Variants in CSMD1 observed in about 807,000 individuals in gnomAD.
CSMD1 encodes the protein CUB and Sushi multiple domains 1, also known as CUB and sushi domain-containing protein 1.
In CSMD1, 213 loss-of-function variants were observed where a neutral mutation model predicts 417.5. That is an observed-to-expected ratio of 0.51 (90% confidence interval 0.46 to 0.57). CSMD1 has a LOEUF of 0.57. Ranked by LOEUF, CSMD1 falls within the 20% of genes least tolerant of loss-of-function variation. The probability of loss-of-function intolerance (pLI) is 0.00; values close to 1 mark genes in which losing one functional copy is unlikely to be tolerated. For synonymous variants in CSMD1, 2,862 were observed against 1,736.8 expected, an observed-to-expected ratio of 1.65 and a Z score of -16.11; for missense variants, 6,923 against 4,529.7, an observed-to-expected ratio of 1.53 and a Z score of -15.17.
chr8:3,199,807 C>G lies in CSMD1; in HGVS notation c.5101G>C (p.Glu1701Gln), dbSNP rs1292656068. The G allele has an allele frequency of 6.4e-7, 1 of 1,563,704 alleles. No homozygotes were observed. Among genetic ancestry groups the G allele is most frequent in the East Asian group, 2.4e-5 (1 of 42,388 alleles). ...TTTGACGTAGCCAAGGGCAATGTTT[C>G]CCCTAGAAACGAAAACAGAGACAGA... ...LSSLSGSHSGETLPLATSNQI... is the reference protein window; with the variant it reads ...LSSLSGSHSGQTLPLATSNQI... Residue 1701 changes from glutamate (E) to glutamine (Q), a missense_variant and splice_region_variant, in exon 33 of 70, where the codon GAA becomes CAA. Physicochemically the swap from Glu to Gln is conservative, Grantham distance 29. Coordinates refer to ENST00000635120, the MANE Select transcript of CSMD1 (RefSeq NM_033225.6).
chr8:3,583,594 G>A (rs1336614839), intron 9 of CSMD1, among the ~76,000 whole-genome samples: 1 of 152,028 alleles, frequency 6.6e-6, no homozygotes, highest in Admixed American at 6.6e-5. Context: ...TCTTCTTGCT[G>A]CTGATACTAA....
At chr8:4,884,323 G>A (rs1457036260) in intron 1 of CSMD1, among the ~76,000 whole-genome samples, 1 of 151,884 alleles carries the variant, frequency 6.6e-6, no homozygotes, top group Non-Finnish European at 1.5e-5. Context: ...CATTCTGTGG[G>A]TTATCTTTGT....
intron 2 of CSMD1, among the ~76,000 whole-genome samples, chr8:4,436,065 A>G (rs186608866): frequency 2.2e-3 from 330 of 152,322 alleles, no homozygotes; most frequent in African/African-American, 7.6e-3. Flanking sequence ...CAGATCTTAT[A>G]ATTCCAAGTT....
intron 31 of CSMD1, 79 bp downstream of exon 31, chr8:3,205,425 T>C: frequency 4.0e-6 from 3 of 741,106 alleles, no homozygotes; most frequent in Middle Eastern, 3.0e-4. Flanking sequence ...AGCTCTAGCA[T>C]ACTTGTTTAT....
intron 10 of CSMD1, among the ~76,000 whole-genome samples, chr8:3,526,857 T>A (rs891952645): frequency 9.2e-5 from 14 of 152,214 alleles, no homozygotes; most frequent in African/African-American, 3.1e-4. Context: ...TACCCAATCA[T>A]CATTTTCTTT....
chr8:4,881,712 T>G (rs1246729010), intron 1 of CSMD1, among the ~76,000 whole-genome samples: 2 of 151,948 alleles, frequency 1.3e-5, no homozygotes, highest in Non-Finnish European at 2.9e-5. Context: ...CTTGATATTT[T>G]GAATAAAAAG....
intron 26 of CSMD1, among the ~76,000 whole-genome samples, chr8:3,243,015 A>G (rs13275776): frequency 0.61 from 91,955 of 151,864 alleles, 28,421 homozygotes; most frequent in Admixed American, 0.73. Context: ...CGGAGTTTTG[A>G]GTCCACGGAT....
intron 2 of CSMD1, among the ~76,000 whole-genome samples, chr8:4,540,356 C>T (rs1159539462): frequency 6.6e-6 from 1 of 152,038 alleles, no homozygotes; most frequent in East Asian, 1.9e-4. Flanking sequence ...CCTGTTCCCC[C>T]AAAACTGGTG....
intron 1 of CSMD1, among the ~76,000 whole-genome samples, chr8:4,845,791 G>A (rs993974539): frequency 8.5e-5 from 13 of 152,074 alleles, no homozygotes; most frequent in African/African-American, 2.7e-4. Flanking sequence ...TCACAAGGGC[G>A]GATTTTACTA....
intron 2 of CSMD1, among the ~76,000 whole-genome samples, chr8:4,461,638 C>T (rs947772298): frequency 6.6e-6 from 1 of 151,846 alleles, no homozygotes; most frequent in African/African-American, 2.4e-5. Context: ...GCATCGTGTA[C>T]CTCCTGGGCT....
chr8:3,582,672 C>A (rs534752046), intron 9 of CSMD1, among the ~76,000 whole-genome samples: 1 of 152,112 alleles, frequency 6.6e-6, no homozygotes, highest in East Asian at 1.9e-4. Context: ...AAAATGCACA[C>A]TGGATTTCCA....
In CSMD1 at chr8:3,241,327, G is replaced by A. The variant is rs192578311; in HGVS notation, c.4154-11096C>T. 9.3e-3 allele frequency among the ~76,000 whole-genome samples: 1,406 copies of A among 151,744 alleles called. 22 individuals carry two copies. Among genetic ancestry groups the A allele is most frequent in the African/African-American group, 0.032 (1,322 of 41,442 alleles). ...ACCCACAACAGTTATGGAGGCAAGG[G>A]AAACAGGTCCTTGAAAAGAAGGTAA... On this transcript the variant is annotated intron_variant, in intron 26 of 69. Coordinates refer to ENST00000635120, the MANE Select transcript of CSMD1 (RefSeq NM_033225.6).
At chr8:4,420,490 G>C (rs1328493990) in intron 2 of CSMD1, among the ~76,000 whole-genome samples, 1 of 151,964 alleles carries the variant, frequency 6.6e-6, no homozygotes, top group East Asian at 1.9e-4. Context: ...TCGGTATGAA[G>C]CCCAGCATGC....
intron 1 of CSMD1, among the ~76,000 whole-genome samples, chr8:4,985,444 G>A (rs769221400): frequency 6.6e-6 from 1 of 152,184 alleles, no homozygotes; most frequent in East Asian, 1.9e-4. Context: ...TGAACTGAGT[G>A]ATTCTGTTTG....
intron 11 of CSMD1, among the ~76,000 whole-genome samples, chr8:3,480,080 C>T (rs1196196614): frequency 1.3e-5 from 2 of 152,032 alleles, no homozygotes; most frequent in East Asian, 1.9e-4. Flanking sequence ...GAAAAGGGGC[C>T]GGGAGTGGTG....
At chr8:3,575,775 A>G (rs568093900) in intron 9 of CSMD1, among the ~76,000 whole-genome samples, 49 of 152,280 alleles carry the variant, frequency 3.2e-4, no homozygotes, top group African/African-American at 1.0e-3. Flanking sequence ...TAGAAATTGC[A>G]TAATTCTATA....
In CSMD1 at chr8:4,964,109, G is replaced by T. The variant is rs182112271; in HGVS notation, c.85+30223C>A. Among the ~76,000 whole-genome samples the T allele has an allele frequency of 6.6e-5, 10 of 152,102 alleles. No homozygotes were observed. In the East Asian group the frequency reaches 1.9e-3, roughly 29 times the overall value. ...TATTTTATTTTTTTTACTTTCTCAA[G>T]TGGCACTATCTTCATTTTTATCTTC... On this transcript the variant is annotated intron_variant, in intron 1 of 69. Coordinates refer to ENST00000635120, the MANE Select transcript of CSMD1 (RefSeq NM_033225.6).
intron 11 of CSMD1, among the ~76,000 whole-genome samples, chr8:3,485,983 C>T (rs988804674): frequency 3.3e-5 from 5 of 151,962 alleles, no homozygotes; most frequent in Admixed American, 6.6e-5. Flanking sequence ...GTTCAATGAG[C>T]GATTAGGCAG....
intron 8 of CSMD1, among the ~76,000 whole-genome samples, chr8:3,595,881 C>T (rs1211278155): frequency 6.6e-6 from 1 of 152,192 alleles, no homozygotes; most frequent in Non-Finnish European, 1.5e-5. Context: ...GGTTTGGATG[C>T]AGCCAGGACT....
Sources: gnomAD v4.1 joint callset for allele counts (sites outside exome capture counted in the v4.1 genomes callset) on GRCh38, gnomAD v4.1.1 for gene constraint, MANE v1.5 for transcripts, NCBI Gene and HGNC (gene_info 2026-07-23, HGNC 2026-07-21) for gene names.